The following NALF1 variants were observed in gnomAD, a reference collection of about 807,000 sequenced individuals.
NALF1 encodes the protein NALCN channel auxiliary factor 1, also known as family with sequence similarity 155 member A.
Under a neutral mutation model 48.4 loss-of-function variants are expected in NALF1, and 3 were observed. The observed-to-expected ratio is 0.06, with a 90% CI of 0.03 to 0.16. The LOEUF (loss-of-function observed/expected upper bound fraction) is 0.16. Among genes scored for constraint, NALF1 ranks in the 10% least tolerant of loss-of-function variants. The probability of loss-of-function intolerance (pLI) is 1.00; values close to 1 mark genes in which losing one functional copy is unlikely to be tolerated. For synonymous variants in NALF1, 262 were observed against 245.7 expected, an observed-to-expected ratio of 1.07 and a Z score of -0.62; for missense variants, 526 against 571.5, an observed-to-expected ratio of 0.92 and a Z score of 0.81.
At position 107,763,342 on chromosome 13, in the gene NALF1, A is replaced by G. The variant is rs1476033623; in HGVS notation, c.915+102340T>C. ...TATCACTAGATGCTATTCTCCATAT[A>G]ATGTCCACTTACAGCCTTAAAATAT... is the stretch of plus-strand genomic sequence containing the variant. On this transcript the variant is annotated intron_variant, in intron 1 of 2. Coordinates refer to ENST00000375915, the MANE Select transcript of NALF1 (RefSeq NM_001080396.3). Among the ~76,000 whole-genome samples, 3 of 152,036 alleles carry G rather than the reference A, an allele frequency of 2.0e-5. No individual in the cohort carries two copies. The East Asian group carries it at 5.8e-4, about 29-fold the overall frequency.
At chr13:107,813,098 C>T (rs774185618) in intron 1 of NALF1, among the ~76,000 whole-genome samples, 2 of 152,054 alleles carry the variant, frequency 1.3e-5, no homozygotes, top group African/African-American at 2.4e-5. Context: ...CTCTTTTGCC[C>T]TTATTGCAAG....
At chr13:107,415,377 G>A (rs1376434890) in intron 1 of NALF1, among the ~76,000 whole-genome samples, 1 of 150,096 alleles carries the variant, frequency 6.7e-6, no homozygotes, top group African/African-American at 2.5e-5. Flanking sequence ...CATAAGGAGA[G>A]AGTTTTTTTT....
chr13:107,565,975 T>C (rs1282729565), intron 1 of NALF1, among the ~76,000 whole-genome samples: 1 of 152,236 alleles, frequency 6.6e-6, no homozygotes, highest in African/African-American at 2.4e-5. Context: ...AACATATCAC[T>C]GGCTAGAACG....
rs371960889 is a variant in NALF1 at position 107,464,771 on chromosome 13, C to T, written c.916-254016G>A. ...CTGATCTCAGGTGATCTGCCCGCCT[C>T]GGCCTCCCAAAGTGCTGGAATTACA... On this transcript the variant is annotated intron_variant, in intron 1 of 2. Coordinates refer to ENST00000375915, the MANE Select transcript of NALF1 (RefSeq NM_001080396.3). 1.1e-4 allele frequency among the ~76,000 whole-genome samples: 17 copies of T among 152,206 alleles called. No homozygotes were observed. The South Asian group carries it at 2.3e-3, about 20-fold the overall frequency.
At chr13:107,450,139 G>C (rs942335051) in intron 1 of NALF1, among the ~76,000 whole-genome samples, 1 of 152,110 alleles carries the variant, frequency 6.6e-6, no homozygotes, top group African/African-American at 2.4e-5. Flanking sequence ...TTAGTGCTTT[G>C]TATAGAAGAC....
intron 1 of NALF1, among the ~76,000 whole-genome samples, chr13:107,674,147 T>A (rs963501361): frequency 6.7e-6 from 1 of 150,034 alleles, no homozygotes; most frequent in Admixed American, 6.6e-5. Flanking sequence ...GTGTGATCAA[T>A]GGAAAGGTTA....
chr13:107,557,024 T>C (rs1389198301), intron 1 of NALF1, among the ~76,000 whole-genome samples: 1 of 152,240 alleles, frequency 6.6e-6, no homozygotes, highest in Non-Finnish European at 1.5e-5. Flanking sequence ...TGTTGGGTTA[T>C]GATTTAGTGT....
intron 1 of NALF1, among the ~76,000 whole-genome samples, chr13:107,592,885 C>A (rs532376876): frequency 6.6e-5 from 10 of 151,962 alleles, no homozygotes; most frequent in South Asian, 4.1e-4. Context: ...GGCATCTATA[C>A]ACATTCTTTA....
At position 107,219,937 on chromosome 13, in the gene NALF1, A is replaced by G. The variant is rs115323599; in HGVS notation, c.916-9182T>C. Among the ~76,000 whole-genome samples the G allele has an allele frequency of 2.4e-3, 362 of 152,362 alleles. 2 individuals carry two copies. Among genetic ancestry groups the G allele is most frequent in the African/African-American group, 8.2e-3 (343 of 41,578 alleles). Reference sequence around the variant, plus strand: ...CTGATACTTTTACATAGCTGTGCACATTATAGAACTAGAATATATAATGCT... The same window carrying G: ...CTGATACTTTTACATAGCTGTGCACGTTATAGAACTAGAATATATAATGCT... On this transcript the variant is annotated intron_variant, in intron 1 of 2. Transcript: ENST00000375915.
In NALF1 at chr13:107,210,858, C is replaced by T. The variant is rs982439477; in HGVS notation, c.916-103G>A. On this transcript the variant is annotated intron_variant, in intron 1 of 2. Coordinates refer to ENST00000375915, the MANE Select transcript of NALF1 (RefSeq NM_001080396.3). The stretch of plus-strand genomic sequence containing the variant: ...AGCGTGCTGTGGTTTCAAGTGGATC[C>T]TAAGAGAGCCCTCATTGTGAGAAAG... The T allele has an allele frequency of 3.3e-5, 24 of 718,374 alleles. No homozygotes were observed. In the African/African-American group the frequency reaches 3.9e-4, roughly 12 times the overall value. The allele number at this position is 718,374 out of a possible 1,614,324, so 44.5% of individuals were successfully genotyped here. A position where few individuals can be genotyped will look rare whatever the true frequency, so the allele number is the denominator to read the frequency against.
chr13:107,409,629 C>A (rs1325747023), intron 1 of NALF1, among the ~76,000 whole-genome samples: 1 of 152,114 alleles, frequency 6.6e-6, no homozygotes, highest in Non-Finnish European at 1.5e-5. Flanking sequence ...GGAACTGAAC[C>A]TACACTAGAG....
At chr13:107,748,206 T>C (rs1876837511) in intron 1 of NALF1, among the ~76,000 whole-genome samples, 1 of 152,178 alleles carries the variant, frequency 6.6e-6, no homozygotes, top group South Asian at 2.1e-4. Flanking sequence ...TCTTACCAAG[T>C]AATAATAGTC....
chr13:107,737,511 G>C (rs1876499537), intron 1 of NALF1, among the ~76,000 whole-genome samples: 1 of 152,084 alleles, frequency 6.6e-6, no homozygotes, highest in Non-Finnish European at 1.5e-5. Context: ...GAAATGATAG[G>C]TGATTATTTC....
chr13:107,249,740 A>C (rs1402396464), intron 1 of NALF1, among the ~76,000 whole-genome samples: 1 of 152,156 alleles, frequency 6.6e-6, no homozygotes, highest in Non-Finnish European at 1.5e-5. Context: ...CATCATTAGT[A>C]AATCAAAATG....
chr13:107,676,233 T>G (rs946923776), intron 1 of NALF1, among the ~76,000 whole-genome samples: 1 of 152,200 alleles, frequency 6.6e-6, no homozygotes, highest in Non-Finnish European at 1.5e-5. Flanking sequence ...TCCAGTATAT[T>G]TGCCTTAAAA....
Position 107,555,439 on chromosome 13 carries a change from A to ATTTTTTTTTTT in NALF1, c.915+310232_915+310242dup, listed in dbSNP as rs34486058. 6.1e-4 allele frequency among the ~76,000 whole-genome samples: 43 copies of ATTTTTTTTTTT among 69,964 alleles called. 1 individual carries two copies. The highest frequency in any genetic ancestry group is 2.1e-3 in the African/African-American group (39 of 18,272). The allele number at this position is 69,964 out of a possible 152,430, so 45.9% of individuals were successfully genotyped here. ...AGGTTCCTGCCACCAAGCCTGGCTA[A>ATTTTTTTTTTT]TTTTTTTTTTTTTTTTTTTTTTTTT... On this transcript the variant is annotated intron_variant, in intron 1 of 2. Transcript: ENST00000375915.
chr13:107,276,746 C>G (rs971428116), intron 1 of NALF1, among the ~76,000 whole-genome samples: 3 of 151,906 alleles, frequency 2.0e-5, no homozygotes, highest in African/African-American at 7.3e-5. Flanking sequence ...AATAATCAAA[C>G]TGTATCAAGA....
chr13:107,232,867 C>G (rs2138826664), intron 1 of NALF1, among the ~76,000 whole-genome samples: 1 of 152,314 alleles, frequency 6.6e-6, no homozygotes, highest in South Asian at 2.1e-4. Flanking sequence ...CTACCACATT[C>G]CAGATAATTC....
chr13:107,635,780 TTAGCAA>T (rs1278349667), intron 1 of NALF1, among the ~76,000 whole-genome samples: 6 of 152,166 alleles, frequency 3.9e-5, no homozygotes, highest in Admixed American at 2.0e-4. Context: ...GTTGCAGTTA[TTAGCAA>T]TAGTTCCTAT....
Sources: allele counts gnomAD v4.1 joint callset (sites outside exome capture counted in the v4.1 genomes callset), GRCh38; gene constraint gnomAD v4.1.1; transcripts MANE v1.5; gene names NCBI Gene and HGNC (gene_info 2026-07-23, HGNC 2026-07-21).